UBA6: variants seen among roughly 807,000 people sequenced by gnomAD.
The protein encoded by UBA6 is ubiquitin-like modifier-activating enzyme 6.
UBA6 carries 87 observed loss-of-function variants against 148.3 expected under a neutral mutation model. The ratio of observed to expected loss-of-function variants is 0.59; its 90% CI spans 0.49 to 0.70. The LOEUF (loss-of-function observed/expected upper bound fraction) is 0.70. UBA6 is among the 30% of genes least tolerant of loss of function. UBA6 has a pLI of 0.00. For synonymous variants in UBA6, 376 were observed against 401.0 expected (o/e 0.94, Z 0.75); for missense variants, 1,186 against 1,241.2 (o/e 0.96, Z 0.67).
chr4:67,639,660 A>AC (rs1480324969), intron 18 of UBA6, among the ~76,000 whole-genome samples: 1 of 152,018 alleles, frequency 6.6e-6, no homozygotes. Flanking sequence ...GCCTTCCACA[A>AC]CCCCCCAAAA....
At chr4:67,650,078 T>C (rs1477436399) in intron 13 of UBA6, among the ~76,000 whole-genome samples, 1 of 152,140 alleles carries the variant, frequency 6.6e-6, no homozygotes, top group Non-Finnish European at 1.5e-5. Flanking sequence ...TTTACAACTA[T>C]TGAGCACTAG....
intron 4 of UBA6, among the ~76,000 whole-genome samples, chr4:67,681,227 T>G (rs1196686318): frequency 6.6e-6 from 1 of 152,210 alleles, no homozygotes; most frequent in Non-Finnish European, 1.5e-5. Flanking sequence ...AAAGATATTC[T>G]TATCTTTTAA....
chr4:67,632,609 T>A (rs1729025074), intron 23 of UBA6, among the ~76,000 whole-genome samples: 1 of 152,174 alleles, frequency 6.6e-6, no homozygotes, highest in South Asian at 2.1e-4. Flanking sequence ...GAAGTCAAAT[T>A]TACTGGGTAA....
intron 13 of UBA6, among the ~76,000 whole-genome samples, chr4:67,653,851 T>C (rs1259987924): frequency 6.6e-6 from 1 of 152,172 alleles, no homozygotes; most frequent in Non-Finnish European, 1.5e-5. Flanking sequence ...AATGACCTGA[T>C]GGAGCTGAAA....
intron 10 of UBA6, among the ~76,000 whole-genome samples, chr4:67,664,972 A>G (rs557054990): frequency 5.8e-4 from 89 of 152,232 alleles, no homozygotes; most frequent in Non-Finnish European, 1.1e-3. Context: ...TATTCTGGCT[A>G]TAAAAGATGT....
chr4:67,637,646 C>T (rs1187722030), intron 19 of UBA6, among the ~76,000 whole-genome samples: 1 of 151,976 alleles, frequency 6.6e-6, no homozygotes, highest in Non-Finnish European at 1.5e-5. Flanking sequence ...TAGCCCCAAC[C>T]CGGTGCTCTC....
At position 67,615,079 on chromosome 4, in the gene UBA6, T is replaced by C. The variant is rs879484206; in HGVS notation, c.*3918A>G. On this transcript the variant is annotated 3_prime_UTR_variant, in exon 33 of 33. Transcript: ENST00000322244. ...CAGCACTGACCAAGATATGGAGAAA[T>C]ATGGTTTGGATATTTGTCCCCTGCA... 7 of 152,032 alleles carry C rather than the reference T, an allele frequency of 4.6e-5. No homozygotes were observed. The highest frequency in any genetic ancestry group is 8.8e-5 in the Non-Finnish European group (6 of 67,988). 9.4% of individuals were successfully genotyped at this position (152,032 alleles called of 1,614,324 possible).
chr4:67,652,628 T>A (rs1729579950), intron 13 of UBA6, among the ~76,000 whole-genome samples: 1 of 152,128 alleles, frequency 6.6e-6, no homozygotes, highest in African/African-American at 2.4e-5. Flanking sequence ...ACAGGTGATT[T>A]CAGCATTTCC....
At position 67,649,080 on chromosome 4, in the gene UBA6, A is replaced by T. The variant is rs1478507478; in HGVS notation, c.1236T>A (p.Pro412=). The T allele has an allele frequency of 1.2e-6, 2 of 1,613,612 alleles. No individual in the cohort carries two copies. The change falls in exon 14 of 33, where the codon CCT becomes CCA. Residue 412 remains proline, a synonymous_variant. Coordinates refer to ENST00000322244, the MANE Select transcript of UBA6 (RefSeq NM_018227.6). ...ACTCAGAACTAACCCACTGGCACAA[A>T]GGAGAAAATTTTCCTGTTACAGCTT... ...VLKAVTGKFS[P]LCQWLYLEAA... is the part of the protein sequence containing the mutation.
At chr4:67,664,347 A>T (rs1266541492) in intron 10 of UBA6, among the ~76,000 whole-genome samples, 1 of 152,100 alleles carries the variant, frequency 6.6e-6, no homozygotes, top group East Asian at 1.9e-4. Context: ...ACACCCACCC[A>T]ATCTAAAATT....
chr4:67,626,194 T>TA (rs1242158231), intron 28 of UBA6, among the ~76,000 whole-genome samples, 166 bp downstream of exon 28: 1 of 151,964 alleles, frequency 6.6e-6, no homozygotes, highest in Non-Finnish European at 1.5e-5. Context: ...ATGATGAATT[T>TA]AGTCACAGTT....
chr4:67,647,812 C>T (rs1362190482), intron 14 of UBA6, among the ~76,000 whole-genome samples: 16 of 142,718 alleles, frequency 1.1e-4, no homozygotes, highest in African/African-American at 4.2e-4. Flanking sequence ...CTCACTCTGT[C>T]GCCCAGGCTG....
At chr4:67,674,005 T>C (rs1204349030) in intron 6 of UBA6, among the ~76,000 whole-genome samples, 1 of 152,184 alleles carries the variant, frequency 6.6e-6, no homozygotes, top group Non-Finnish European at 1.5e-5. Flanking sequence ...TAAAACTTGA[T>C]AACCATCACA....
chr4:67,640,946 C>CA (rs1267561313), intron 18 of UBA6, among the ~76,000 whole-genome samples: 43 of 152,278 alleles, frequency 2.8e-4, no homozygotes, highest in African/African-American at 9.9e-4. Context: ...TTTCACAACT[C>CA]AGGTTTCAAT....
intron 2 of UBA6, among the ~76,000 whole-genome samples, chr4:67,693,922 A>T (rs1340414489): frequency 6.6e-6 from 1 of 152,098 alleles, no homozygotes; most frequent in Admixed American, 6.6e-5. Context: ...ATTTTTAAAA[A>T]GAGAAAATAC....
rs759289594 is a variant in UBA6 at position 67,641,141 on chromosome 4, A to G, written c.1554+10T>C. ...ACATGATTTAAATTTGAAACAGAAT[A>G]GCAACATACCTGTATGTGATGAGGA... On this transcript the variant is annotated intron_variant, in intron 18 of 32. Transcript: ENST00000322244. 4 of 1,531,318 alleles carry G rather than the reference A, an allele frequency of 2.6e-6. No homozygotes were observed. The African/African-American group carries it at 4.2e-5, about 16-fold the overall frequency. 94.9% of individuals were successfully genotyped at this position (1,531,318 alleles called of 1,614,324 possible). A position where few individuals can be genotyped will look rare whatever the true frequency, so the allele number is the denominator to read the frequency against.
At chr4:67,698,098 C>A (rs974203502) in intron 1 of UBA6, among the ~76,000 whole-genome samples, 1 of 152,200 alleles carries the variant, frequency 6.6e-6, no homozygotes, top group African/African-American at 2.4e-5. Context: ...AGAGTTTTTA[C>A]CTATTTCTTC....
intron 29 of UBA6, 105 bp from the exon 30 acceptor site, chr4:67,624,358 G>A: frequency 9.3e-7 from 1 of 1,070,724 alleles, no homozygotes; most frequent in South Asian, 1.9e-5. Context: ...TCTGTGGATA[G>A]TAAAAGCAGC....
At chr4:67,696,603 A>G in intron 2 of UBA6, 42 bp downstream of exon 2, 2 of 1,499,530 alleles carry the variant, frequency 1.3e-6, no homozygotes, top group Non-Finnish European at 1.8e-6. Flanking sequence ...TTTGAGAACA[A>G]TTAATGGGGA....
Sources: allele counts gnomAD v4.1 joint callset (sites outside exome capture counted in the v4.1 genomes callset), GRCh38; gene constraint gnomAD v4.1.1; transcripts MANE v1.5; gene names NCBI Gene and HGNC (gene_info 2026-07-23, HGNC 2026-07-21).